SCIN: variants seen among roughly 807,000 people sequenced by gnomAD.
The protein encoded by SCIN is adseverin.
SCIN carries 91 observed loss-of-function variants against 91.8 expected under a neutral mutation model. That is an observed-to-expected ratio of 0.99 (90% CI 0.84 to 1.18). SCIN has a LOEUF of 1.18. Ranked by LOEUF, SCIN falls within the 50% of genes most tolerant of loss-of-function variation. The pLI, the probability that SCIN is intolerant of heterozygous loss-of-function variation, is 0.00. For missense variants in SCIN, 1,087 were observed against 863.9 expected (o/e 1.26, Z -3.24); for synonymous variants, 367 against 312.6 (o/e 1.17, Z -1.84).
chr7:12,578,110 T>C lies in SCIN; in HGVS notation c.246T>C (p.Thr82=). ...AAAGCACAGCTGCTGCCATCTTCAC[T>C]GTTCAGATGGATGACTATTTGGGTG... ...QDESTAAAIF[T]VQMDDYLGGK... The change falls in exon 2 of 16, where the codon ACT becomes ACC. Residue 82 remains threonine, a synonymous_variant. Transcript: ENST00000297029. The C allele has an allele frequency of 6.5e-7, 1 of 1,549,472 alleles. No homozygotes were observed. The highest frequency in any genetic ancestry group is 8.7e-7 in the Non-Finnish European group (1 of 1,145,820).
intron 13 of SCIN, among the ~76,000 whole-genome samples, chr7:12,647,866 G>C (rs1187364113): frequency 6.6e-6 from 1 of 152,148 alleles, no homozygotes; most frequent in Non-Finnish European, 1.5e-5. Context: ...CATGTTTTGA[G>C]TTTATACATA....
intron 1 of SCIN, 179 bp from the exon 2 acceptor site, chr7:12,577,885 G>T (rs1782408472): frequency 5.3e-6 from 3 of 562,792 alleles, no homozygotes; most frequent in Non-Finnish European, 8.9e-6. Context: ...TAAAAAAATT[G>T]TTAATTATTA....
chr7:12,599,039 G>T (rs757858274), intron 3 of SCIN, among the ~76,000 whole-genome samples: 1 of 152,132 alleles, frequency 6.6e-6, no homozygotes, highest in Admixed American at 6.5e-5. Flanking sequence ...CCATTGAAAA[G>T]TAAGTCTACT....
intron 3 of SCIN, among the ~76,000 whole-genome samples, chr7:12,587,352 G>A (rs1782608671): frequency 6.6e-6 from 1 of 152,150 alleles, no homozygotes; most frequent in Admixed American, 6.5e-5. Context: ...CTGGGGGTGG[G>A]GAGTGAGGAT....
Position 12,644,240 on chromosome 7 carries a change from G to A in SCIN, c.1684G>A (p.Glu562Lys), listed in dbSNP as rs757648896. The A allele has an allele frequency of 3.1e-6, 5 of 1,607,956 alleles. No individual in the cohort carries two copies. In the East Asian group the frequency reaches 8.9e-5, roughly 29 times the overall value. Residue 562 changes from glutamate to lysine, a missense_variant, in exon 12 of 16, where the codon GAG becomes AAG. Coordinates refer to ENST00000297029, the MANE Select transcript of SCIN (RefSeq NM_001112706.3). ...IWVGKGASQE[E>K]EKGAEYVASV... ...GGTAGGAAAAGGTGCTAGCCAGGAG[G>A]AGGAGAAAGGAGCAGAGTATGTAGC... is the stretch of plus-strand genomic sequence containing the variant.
At position 12,572,576 on chromosome 7, in the gene SCIN, C is replaced by T. The variant is rs142333888; in HGVS notation, c.199+1591C>T. Among the ~76,000 whole-genome samples the T allele has an allele frequency of 2.3e-4, 35 of 152,162 alleles. No individual in the cohort carries two copies. In the East Asian group the frequency reaches 5.6e-3, roughly 24 times the overall value. ...GTTAAGTTTGACTTTGTCAGATGAC[C>T]GCAAGGGAGATTTGAACACAATTCT... On this transcript the variant is annotated intron_variant, in intron 1 of 15. Coordinates refer to ENST00000297029, the MANE Select transcript of SCIN (RefSeq NM_001112706.3).
intron 3 of SCIN, among the ~76,000 whole-genome samples, chr7:12,588,622 C>T (rs1049725972): frequency 2.6e-5 from 4 of 151,888 alleles, no homozygotes; most frequent in African/African-American, 9.7e-5. Context: ...CACATATCAT[C>T]TCGTGACCAG....
intron 9 of SCIN, among the ~76,000 whole-genome samples, chr7:12,633,376 A>G (rs1386482036): frequency 6.6e-6 from 1 of 152,244 alleles, no homozygotes; most frequent in Non-Finnish European, 1.5e-5. Context: ...TAAAGAAAAA[A>G]TATGTCAAAG....
At chr7:12,594,768 G>A (rs561900456) in intron 3 of SCIN, among the ~76,000 whole-genome samples, 50 of 152,286 alleles carry the variant, frequency 3.3e-4, no homozygotes, top group African/African-American at 1.2e-3. Flanking sequence ...GCCTTGTATG[G>A]AATAGAGGAG....
intron 1 of SCIN, among the ~76,000 whole-genome samples, chr7:12,572,846 G>T (rs554963820): frequency 2.6e-5 from 4 of 152,156 alleles, no homozygotes; most frequent in Non-Finnish European, 5.9e-5. Flanking sequence ...GGCCAGTACT[G>T]TACAAGGCAC....
intron 3 of SCIN, among the ~76,000 whole-genome samples, chr7:12,598,680 C>T (rs1782892023): frequency 1.3e-5 from 2 of 152,096 alleles, no homozygotes; most frequent in South Asian, 2.1e-4. Context: ...ATCGCTTGAA[C>T]CCAGGACATC....
At chr7:12,630,688 G>A (rs532174164) in intron 9 of SCIN, among the ~76,000 whole-genome samples, 1 of 152,360 alleles carries the variant, frequency 6.6e-6, no homozygotes, top group South Asian at 2.1e-4. Flanking sequence ...AGTGCCAGAT[G>A]TTTCCTTGTA....
intron 15 of SCIN, among the ~76,000 whole-genome samples, 175 bp downstream of exon 15, chr7:12,652,076 A>C (rs756326913): frequency 9.9e-5 from 15 of 152,224 alleles, no homozygotes; most frequent in Admixed American, 2.6e-4. Context: ...GAATTTCCAA[A>C]TGGGCACAAG....
intron 1 of SCIN, chr7:12,577,855 C>CAAA (rs5882366): frequency 3.0e-5 from 12 of 402,768 alleles, no homozygotes; most frequent in African/African-American, 1.3e-4. Flanking sequence ...CACCCTCTCT[C>CAAA]AAAAAAAAAA....
chr7:12,651,967 C>A lies in SCIN; in HGVS notation c.2020+66C>A. The A allele has an allele frequency of 9.6e-7, 1 of 1,045,906 alleles. No individual in the cohort carries two copies. Among genetic ancestry groups the A allele is most frequent in the Non-Finnish European group, 1.4e-6 (1 of 699,416 alleles). 64.8% of individuals were successfully genotyped at this position (1,045,906 alleles called of 1,614,324 possible). On this transcript the variant is annotated intron_variant, in intron 15 of 15. Transcript: ENST00000297029. The surrounding 1 kb of genome is among the most constrained non-coding windows in gnomAD (Gnocchi z 5.9). ...CCATTATGACCGAGTGTCTGGCTTG[C>A]TCTTTGCCACCATGTCTTACAAAAA...
intron 3 of SCIN, among the ~76,000 whole-genome samples, chr7:12,597,259 A>G (rs1782862475): frequency 6.6e-6 from 1 of 152,246 alleles, no homozygotes; most frequent in African/African-American, 2.4e-5. Flanking sequence ...CCTCTAGGCT[A>G]AAGATACATC....
intron 11 of SCIN, among the ~76,000 whole-genome samples, chr7:12,641,911 C>T (rs1253883173): frequency 1.3e-5 from 2 of 151,954 alleles, no homozygotes; most frequent in African/African-American, 2.4e-5. Context: ...TATCTACTCC[C>T]CTGCAACTTT....
At chr7:12,632,529 A>G (rs1471391671) in intron 9 of SCIN, among the ~76,000 whole-genome samples, 6 of 152,180 alleles carry the variant, frequency 3.9e-5, no homozygotes, top group Non-Finnish European at 8.8e-5. Context: ...GTGTTGCAAT[A>G]ATCCAGCTGA....
At chr7:12,644,396 A>C in intron 12 of SCIN, 81 bp downstream of exon 12, 1 of 1,485,164 alleles carries the variant, frequency 6.7e-7, no homozygotes, top group Non-Finnish European at 9.0e-7. Context: ...CCAAAAAGTC[A>C]CTTTCTAATG....
Sources: gnomAD v4.1 joint callset for allele counts (sites outside exome capture counted in the v4.1 genomes callset) on GRCh38, gnomAD v4.1.1 for gene constraint, Gnocchi (gnomAD v3.1) non-coding constraint, MANE v1.5 for transcripts, NCBI Gene and HGNC (gene_info 2026-07-23, HGNC 2026-07-21) for gene names.